The following DENND2B variants were observed in gnomAD, a reference collection of about 807,000 sequenced individuals.
DENND2B encodes DENN domain containing 2B, also known as DENN domain-containing protein 2B.
A neutral mutation model predicts 116.0 loss-of-function variants in DENND2B; 32 were observed. The ratio of observed to expected loss-of-function variants is 0.28; its 90% CI spans 0.21 to 0.37. The LOEUF (loss-of-function observed/expected upper bound fraction) is 0.37. DENND2B is among the 10% of genes least tolerant of loss of function. The pLI, the probability that DENND2B is intolerant of heterozygous loss-of-function variation, is 1.00. For synonymous variants in DENND2B, 588 were observed against 583.9 expected (o/e 1.01, Z -0.10); for missense variants, 1,276 against 1,477.7 (o/e 0.86, Z 2.24).
At chr11:8,753,067 T>A (rs746025133) in intron 1 of DENND2B, among the ~76,000 whole-genome samples, 2 of 152,144 alleles carry the variant, frequency 1.3e-5, no homozygotes, top group South Asian at 4.1e-4. Flanking sequence ...CAAAACCCCA[T>A]CTCTACTAAA....
intron 1 of DENND2B, among the ~76,000 whole-genome samples, chr11:8,887,884 G>C (rs758846217): frequency 6.6e-6 from 1 of 152,100 alleles, no homozygotes. Flanking sequence ...GTGACTTCCA[G>C]TATACACCCA....
intron 2 of DENND2B, among the ~76,000 whole-genome samples, chr11:8,860,626 A>G (rs2134676022): frequency 6.6e-6 from 1 of 152,286 alleles, no homozygotes; most frequent in East Asian, 1.9e-4. Flanking sequence ...ACCCAAAGCA[A>G]TCTACAGATT....
At chr11:8,895,674 A>C (rs994436484) in intron 1 of DENND2B, 1 of 152,220 alleles carries the variant, frequency 6.6e-6, no homozygotes, top group African/African-American at 2.4e-5. Context: ...GATGGTGGTG[A>C]TAGTTGCACA....
chr11:8,731,933 C>G (rs1460420705), intron 2 of DENND2B, among the ~76,000 whole-genome samples: 1 of 152,214 alleles, frequency 6.6e-6, no homozygotes, highest in Non-Finnish European at 1.5e-5. Flanking sequence ...CAAATACACT[C>G]AGACCCTTTG....
rs559716323 is a variant in DENND2B at position 8,803,372 on chromosome 11, G to A, written c.-26+7145C>T. Among the ~76,000 whole-genome samples the A allele has an allele frequency of 9.2e-4, 140 of 152,174 alleles. 1 individual carries two copies. Among genetic ancestry groups the A allele is most frequent in the African/African-American group, 3.0e-3 (126 of 41,542 alleles). On this transcript the variant is annotated intron_variant, in intron 1 of 19. Coordinates refer to ENST00000313726, the MANE Select transcript of DENND2B (RefSeq NM_213618.2). ...TGCACTCCAGCCTGGGCGACCGAGC[G>A]AGACTCTGTCTCAAAAAAAATGTCA... is the stretch of plus-strand genomic sequence containing the variant.
chr11:8,765,006 C>T (rs1012887774), intron 1 of DENND2B, among the ~76,000 whole-genome samples: 33 of 151,662 alleles, frequency 2.2e-4, no homozygotes, highest in African/African-American at 7.5e-4. Context: ...AACGCCTGGC[C>T]CCTAAATTCT....
chr11:8,775,932 C>A (rs2057561849), intron 1 of DENND2B, among the ~76,000 whole-genome samples: 1 of 152,114 alleles, frequency 6.6e-6, no homozygotes, highest in Non-Finnish European at 1.5e-5. Flanking sequence ...AAGTGACAGA[C>A]TAAGCATCCT....
At chr11:8,708,692 C>G (rs2043049272) in intron 11 of DENND2B, among the ~76,000 whole-genome samples, 1 of 152,314 alleles carries the variant, frequency 6.6e-6, no homozygotes, top group South Asian at 2.1e-4. Context: ...TGGCTCACGC[C>G]TGTAATTCCA....
At chr11:8,743,905 C>G (rs1331657342) in intron 2 of DENND2B, among the ~76,000 whole-genome samples, 1 of 151,806 alleles carries the variant, frequency 6.6e-6, no homozygotes, top group Non-Finnish European at 1.5e-5. Context: ...CACTACCATG[C>G]CTGATTAATT....
chr11:8,721,766 T>C (rs947319297), intron 4 of DENND2B, among the ~76,000 whole-genome samples: 3 of 152,248 alleles, frequency 2.0e-5, no homozygotes, highest in Admixed American at 6.5e-5. Flanking sequence ...TGCTCCTTAC[T>C]GTTTCCCAGC....
Position 8,710,103 on chromosome 11 carries a change from C to A in DENND2B, c.2352+742G>T, listed in dbSNP as rs550294534. The stretch of plus-strand genomic sequence containing the variant: ...CCTGCCCCCTTCATCTACCCCTAGA[C>A]TGGTATCTGGGGAGGCTTTCTCTTG... On this transcript the variant is annotated intron_variant, in intron 11 of 19. Transcript: ENST00000313726. Among the ~76,000 whole-genome samples the A allele has an allele frequency of 8.5e-5, 13 of 152,278 alleles. No individual in the cohort carries two copies. In the South Asian group the frequency reaches 2.5e-3, roughly 29 times the overall value.
intron 1 of DENND2B, chr11:8,794,968 A>C (rs983111840): frequency 1.3e-5 from 2 of 152,382 alleles, no homozygotes; most frequent in South Asian, 4.2e-4. Context: ...AAATTTGGCT[A>C]ATCAACAGAA....
At chr11:8,709,933 T>C (rs1302453757) in intron 11 of DENND2B, among the ~76,000 whole-genome samples, 3 of 152,232 alleles carry the variant, frequency 2.0e-5, no homozygotes, top group East Asian at 1.9e-4. Flanking sequence ...GAGAGGGAGA[T>C]CCATGTTAAA....
At chr11:8,886,361 T>A (rs1319624843) in intron 1 of DENND2B, among the ~76,000 whole-genome samples, 34 of 152,154 alleles carry the variant, frequency 2.2e-4, no homozygotes, top group Admixed American at 2.2e-3. Flanking sequence ...TGCTCTTACA[T>A]GAAGAGCATT....
chr11:8,899,960 A>C (rs1248451528), intron 1 of DENND2B, among the ~76,000 whole-genome samples: 1 of 152,200 alleles, frequency 6.6e-6, no homozygotes, highest in Non-Finnish European at 1.5e-5. Flanking sequence ...TATTGGACAG[A>C]AGTGTCTATA....
rs549181403 is a variant in DENND2B at position 8,898,106 on chromosome 11, A to C, written c.-256+12715T>G. Among the ~76,000 whole-genome samples, 58 of 152,352 alleles carry C rather than the reference A, an allele frequency of 3.8e-4. No individual in the cohort carries two copies. The South Asian group carries it at 3.9e-3, about 10-fold the overall frequency. The stretch of plus-strand genomic sequence containing the variant: ...GAACTTTAAAGGTGTTCCCCAAACT[A>C]TACACAGATTAATTAGCAAACAGTA... On this transcript the variant is annotated intron_variant, in intron 1 of 22. Coordinates refer to the DENND2B transcript ENST00000534127.
Position 8,697,707 on chromosome 11 carries a change from A to C in DENND2B, c.2941-71T>G. ...CACTTACTATGTGCTAAGACCTGTT[A>C]GAAGAGCGTGAGTAGATAATCTCAT... On this transcript the variant is annotated intron_variant, in intron 16 of 19. Transcript: ENST00000313726. The C allele has an allele frequency of 3.0e-6, 3 of 987,338 alleles. No homozygotes were observed. In the South Asian group the frequency reaches 3.9e-5, roughly 13 times the overall value. The allele number at this position is 987,338 out of a possible 1,614,324, so 61.2% of individuals were successfully genotyped here.
intron 1 of DENND2B, among the ~76,000 whole-genome samples, chr11:8,891,412 G>A (rs549183301): frequency 6.6e-6 from 1 of 152,266 alleles, no homozygotes; most frequent in African/African-American, 2.4e-5. Context: ...AATGTAAATG[G>A]GCTAAATGTG....
chr11:8,802,136 A>G (rs1057160088), intron 1 of DENND2B, among the ~76,000 whole-genome samples: 1 of 151,958 alleles, frequency 6.6e-6, no homozygotes, highest in Non-Finnish European at 1.5e-5. Flanking sequence ...CCCCATCGAT[A>G]CTAAAAATAC....
Sources: allele counts gnomAD v4.1 joint callset (sites outside exome capture counted in the v4.1 genomes callset), GRCh38; gene constraint gnomAD v4.1.1; transcripts MANE v1.5; gene names NCBI Gene and HGNC (gene_info 2026-07-23, HGNC 2026-07-21).